Variants in MN1 observed in about 807,000 individuals in gnomAD.
MN1 encodes the protein transcriptional activator MN1.
MN1 carries 19 observed loss-of-function variants against 86.9 expected under a neutral mutation model. That is an observed-to-expected ratio of 0.22 (90% CI 0.15 to 0.32). The LOEUF is 0.32. Among genes scored for constraint, MN1 ranks in the 10% least tolerant of loss-of-function variants. The probability of loss-of-function intolerance (pLI) is 1.00; values close to 1 mark genes in which losing one functional copy is unlikely to be tolerated. For synonymous variants in MN1, 928 were observed against 849.6 expected (o/e 1.09, Z -1.60); for missense variants, 1,841 against 1,862.0 (o/e 0.99, Z 0.21).
At chr22:27,782,022 G>A (rs2267117) in intron 1 of MN1, among the ~76,000 whole-genome samples, 2,590 of 152,150 alleles carry the variant, frequency 0.017, 80 homozygotes, top group East Asian at 0.12. Context: ...CAGGGGCCGC[G>A]GACCAGCTCA....
chr22:27,753,849 C>G (rs1428026865), intron 1 of MN1, among the ~76,000 whole-genome samples: 3 of 152,128 alleles, frequency 2.0e-5, no homozygotes, highest in African/African-American at 7.2e-5. Flanking sequence ...TTCCCAGCGA[C>G]CCCTCCACCC....
At chr22:27,756,197 G>A (rs563866503) in intron 1 of MN1, among the ~76,000 whole-genome samples, 10 of 152,306 alleles carry the variant, frequency 6.6e-5, no homozygotes, top group East Asian at 1.9e-4. Context: ...AAGAGGGGAC[G>A]TTTACCTGGG....
In MN1 at chr22:27,798,862, A is replaced by C; in HGVS notation, c.1682T>G (p.Met561Arg). 6.5e-7 allele frequency: 1 copy of C among 1,545,242 alleles called. No individual in the cohort carries two copies. Among genetic ancestry groups the C allele is most frequent in the Non-Finnish European group, 8.7e-7 (1 of 1,147,266 alleles). ...RQNAALMIKQ[M>R]ASRNQQQRLR... ...CCGCTGCTGCTGATTCCGCGACGCC[A>C]TCTGCTTAATCATGAGGGCCGCGTT... Residue 561 changes from methionine to arginine, a missense_variant, in exon 1 of 2, where the codon ATG becomes AGG. Transcript: ENST00000302326.
chr22:27,783,920 G>A (rs893590156), intron 1 of MN1, among the ~76,000 whole-genome samples: 8 of 152,178 alleles, frequency 5.3e-5, no homozygotes, highest in African/African-American at 1.2e-4. Context: ...GGCCCATGGC[G>A]GCCAGTGCAA....
chr22:27,755,227 T>C (rs1932794413), intron 1 of MN1, among the ~76,000 whole-genome samples: 2 of 152,198 alleles, frequency 1.3e-5, no homozygotes, highest in Admixed American at 1.3e-4. Flanking sequence ...TTTCCTCATC[T>C]GCAACTTGGG....
At chr22:27,771,509 G>A (rs1932915827) in intron 1 of MN1, among the ~76,000 whole-genome samples, 1 of 151,932 alleles carries the variant, frequency 6.6e-6, no homozygotes, top group East Asian at 1.9e-4. Context: ...TTATAAGCGT[G>A]AGCCGCCACC....
chr22:27,800,857 C>A lies in MN1; in HGVS notation c.-314G>T. 11 of 356,428 alleles carry A rather than the reference C, an allele frequency of 3.1e-5. No individual in the cohort carries two copies. Among genetic ancestry groups the A allele is most frequent in the South Asian group, 2.2e-4 (3 of 13,712 alleles). The allele number at this position is 356,428 out of a possible 1,614,324, so 22.1% of individuals were successfully genotyped here. On this transcript the variant is annotated 5_prime_UTR_variant, in exon 1 of 2. Transcript: ENST00000302326. ...CGCGGGTGGGTCTGCGGGGAGGGGACGAAGCCGCGGATGAACGGAGACAAA... is the reference window on the plus strand; with the variant it reads ...CGCGGGTGGGTCTGCGGGGAGGGGAAGAAGCCGCGGATGAACGGAGACAAA...
chr22:27,796,671 C>G (rs1933300981), intron 1 of MN1, 92 bp downstream of exon 1: 1 of 1,356,168 alleles, frequency 7.4e-7, no homozygotes, highest in African/African-American at 1.4e-5. Context: ...GCCCTCCAAA[C>G]CTCAAAGGAC....
chr22:27,779,523 C>T (rs1933023829), intron 1 of MN1, among the ~76,000 whole-genome samples: 1 of 152,182 alleles, frequency 6.6e-6, no homozygotes, highest in Non-Finnish European at 1.5e-5. Flanking sequence ...GGAAATACAG[C>T]TCCTCATCTC....
intron 1 of MN1, among the ~76,000 whole-genome samples, chr22:27,767,748 G>T (rs1932880832): frequency 6.6e-6 from 1 of 152,138 alleles, no homozygotes; most frequent in Non-Finnish European, 1.5e-5. Context: ...AGGCAAGGTT[G>T]GGTGGGTGGA....
chr22:27,773,063 C>T (rs555262841), intron 1 of MN1, among the ~76,000 whole-genome samples: 3 of 151,968 alleles, frequency 2.0e-5, no homozygotes, highest in East Asian at 2.0e-4. Flanking sequence ...AACAAGGCCC[C>T]GAACAGGCCG....
intron 1 of MN1, among the ~76,000 whole-genome samples, chr22:27,794,610 A>C (rs573703489): frequency 7.2e-5 from 11 of 152,282 alleles, no homozygotes; most frequent in African/African-American, 2.6e-4. Flanking sequence ...ACACAAACAA[A>C]ACATTTCTTT....
Position 27,751,015 on chromosome 22 carries a change from T to C in MN1, c.3863A>G (p.Asp1288Gly), listed in dbSNP as rs1263430260. ...LQCLSVHCTDDVGDAKARASV... is the reference protein window; with the variant it reads ...LQCLSVHCTDGVGDAKARASV... ...GGCTCGAGCCTTGGCGTCACCCACG[T>C]CGTCTGTGCAGTGGACAGACAGGCA... Residue 1288 changes from aspartate to glycine, a missense_variant, in exon 2 of 2, where the codon GAC becomes GGC. Coordinates refer to ENST00000302326, the MANE Select transcript of MN1 (RefSeq NM_002430.3). 1.2e-6 allele frequency: 2 copies of C among 1,612,944 alleles called. No individual in the cohort carries two copies. The highest frequency in any genetic ancestry group is 2.2e-5 in the South Asian group (2 of 90,928).
chr22:27,789,503 T>C (rs1316897561), intron 1 of MN1, among the ~76,000 whole-genome samples: 1 of 152,222 alleles, frequency 6.6e-6, no homozygotes, highest in Non-Finnish European at 1.5e-5. Context: ...TAGTTGATCC[T>C]ATAAACTCCA....
chr22:27,773,589 T>A lies in MN1; in HGVS notation c.3782-22493A>T, dbSNP rs186711997. On this transcript the variant is annotated intron_variant, in intron 1 of 1. Coordinates refer to ENST00000302326, the MANE Select transcript of MN1 (RefSeq NM_002430.3). ...GACATAACGTAGCATTGTGACTCAC[T>A]CAAGGCCATACAACAAGAGAGGATG... Among the ~76,000 whole-genome samples the A allele has an allele frequency of 7.2e-5, 11 of 152,306 alleles. No homozygotes were observed. In the East Asian group the frequency reaches 2.1e-3, roughly 29 times the overall value.
intron 1 of MN1, among the ~76,000 whole-genome samples, chr22:27,773,346 G>C (rs1293855963): frequency 6.6e-6 from 1 of 152,234 alleles, no homozygotes; most frequent in Middle Eastern, 3.2e-3. Flanking sequence ...TGGGGAAGCA[G>C]ATGCTGGGCT....
At position 27,798,739 on chromosome 22, in the gene MN1, T is replaced by A. The variant is rs1314274269; in HGVS notation, c.1805A>T (p.Asn602Ile). ...CGTGCTGCCGCCTTCGCGCTCAAAG[T>A]TCGGCTGGGCCAAGCCGCCCACCGG... ...GGPVGGLAQP[N>I]FEREGGSTGA... Residue 602 changes from asparagine (N) to isoleucine (I), a missense_variant, in exon 1 of 2, where the codon AAC becomes ATC. Physicochemically the swap from Asn to Ile is moderately radical, Grantham distance 149. Coordinates refer to ENST00000302326, the MANE Select transcript of MN1 (RefSeq NM_002430.3). 6.5e-7 allele frequency: 1 copy of A among 1,535,646 alleles called. No individual in the cohort carries two copies. Among genetic ancestry groups the A allele is most frequent in the Admixed American group, 2.0e-5 (1 of 51,144 alleles).
chr22:27,766,336 C>T (rs1932869851), intron 1 of MN1, among the ~76,000 whole-genome samples: 1 of 152,164 alleles, frequency 6.6e-6, no homozygotes, highest in African/African-American at 2.4e-5. Context: ...GCTCTTCGTG[C>T]TCTCACTGGG....
chr22:27,797,111 G>A lies in MN1; in HGVS notation c.3433C>T (p.Pro1145Ser), dbSNP rs747401031. ...VRTPTSSSGA[P>S]PPDEIHPLEI... ...AGGGGGTGGATCTCGTCGGGTGGCGGGGCGCCGCTGCTGCTCGTCGGGGTG... is the reference window on the plus strand; with the variant it reads ...AGGGGGTGGATCTCGTCGGGTGGCGAGGCGCCGCTGCTGCTCGTCGGGGTG... The change falls in exon 1 of 2, where the codon CCG (proline) becomes TCG (serine). Residue 1145 changes from proline to serine, a missense_variant. By Grantham distance (74) the Pro-to-Ser change is moderately conservative. Transcript: ENST00000302326. The A allele has an allele frequency of 4.4e-6, 7 of 1,594,676 alleles. No homozygotes were observed. In the African/African-American group the frequency reaches 9.4e-5, roughly 21 times the overall value.
Sources: allele counts gnomAD v4.1 joint callset (sites outside exome capture counted in the v4.1 genomes callset), GRCh38; gene constraint gnomAD v4.1.1; transcripts MANE v1.5; gene names NCBI Gene and HGNC (gene_info 2026-07-23, HGNC 2026-07-21).